ARL17B: variants seen among roughly 807,000 people sequenced by gnomAD.
ARL17B encodes ARF like GTPase 17B.
At chr17:46,332,484 C>A (rs1319411225), downstream of ARL17B, 1 of 827,060 alleles carries the variant, frequency 1.2e-6, no homozygotes, top group Non-Finnish European at 1.9e-6. Context: ...CAGCTACTCA[C>A]CTGGAATACT....
intron 4 of ARL17B, among the ~76,000 whole-genome samples, chr17:46,278,396 A>G (rs62071627): frequency 9.6e-5 from 13 of 136,038 alleles, no homozygotes; most frequent in South Asian, 2.2e-4. Flanking sequence ...GTTTTGTTTT[A>G]TTTTGTTTTT....
At chr17:46,327,939 T>C (rs2051833433) in intron 3 of ARL17B, among the ~76,000 whole-genome samples, 1 of 63,300 alleles carries the variant, frequency 1.6e-5, no homozygotes, top group Admixed American at 1.8e-4. Context: ...ATGCAGTCTT[T>C]GTTATTTTTT....
At chr17:46,277,102 G>A (rs1333049949) in intron 4 of ARL17B, among the ~76,000 whole-genome samples, 1 of 152,208 alleles carries the variant, frequency 6.6e-6, no homozygotes, top group Non-Finnish European at 1.5e-5. Context: ...ACTGCACACA[G>A]CCTAATTTGT....
intron 4 of ARL17B, among the ~76,000 whole-genome samples, chr17:46,284,275 C>A (rs928296455): frequency 6.6e-6 from 1 of 152,246 alleles, no homozygotes; most frequent in African/African-American, 2.4e-5. Context: ...GGCAGAGGTC[C>A]CTGCGGCCTT....
chr17:46,282,248 G>A (rs565014978), intron 4 of ARL17B, among the ~76,000 whole-genome samples: 31 of 149,750 alleles, frequency 2.1e-4, no homozygotes, highest in African/African-American at 6.4e-4. Context: ...GACTACAGGC[G>A]TCTGCCACCA....
intron 4 of ARL17B, among the ~76,000 whole-genome samples, chr17:46,290,720 T>C (rs1015720691): frequency 6.6e-6 from 1 of 152,278 alleles, no homozygotes; most frequent in African/African-American, 2.4e-5. Flanking sequence ...GTGCTGGGAT[T>C]ATAGGCATGA....
intron 4 of ARL17B, among the ~76,000 whole-genome samples, chr17:46,283,941 T>G (rs2049838960): frequency 6.6e-6 from 1 of 152,260 alleles, no homozygotes; most frequent in South Asian, 2.1e-4. Context: ...CACATACACA[T>G]AAACATCTCA....
intron 4 of ARL17B, among the ~76,000 whole-genome samples, chr17:46,277,324 A>G (rs79700679): frequency 0.066 from 8,842 of 133,710 alleles, no homozygotes; most frequent in Non-Finnish European, 0.11. Flanking sequence ...AGGACCTCCA[A>G]GCAACTTCCT....
At chr17:46,280,377 A>C (rs561691212) in intron 4 of ARL17B, among the ~76,000 whole-genome samples, 3 of 151,124 alleles carry the variant, frequency 2.0e-5, no homozygotes, top group African/African-American at 7.3e-5. Context: ...AACACAAAAC[A>C]ACAGAAAAAT....
chr17:46,288,305 C>CTTTTT (rs78255121), intron 4 of ARL17B, among the ~76,000 whole-genome samples: 15 of 112,250 alleles, frequency 1.3e-4, no homozygotes, highest in Non-Finnish European at 1.5e-4. Flanking sequence ...CCAGGCCCGG[C>CTTTTT]TTTTTTTTTT....
intron 4 of ARL17B, among the ~76,000 whole-genome samples, chr17:46,279,938 C>T (rs77616838): frequency 0.11 from 16,572 of 148,868 alleles, no homozygotes; most frequent in Non-Finnish European, 0.17. Flanking sequence ...ATTGTCTTGC[C>T]CTACTGACCC....
At chr17:46,289,011 TG>T (rs113986794) in intron 4 of ARL17B, among the ~76,000 whole-genome samples, 11,876 of 136,658 alleles carry the variant, frequency 0.087, 1 homozygote, top group Middle Eastern at 0.16. Flanking sequence ...AACATACTAT[TG>T]TCTCAATATG....
At chr17:46,279,426 C>T (rs1252793779) in intron 4 of ARL17B, among the ~76,000 whole-genome samples, 1 of 151,912 alleles carries the variant, frequency 6.6e-6, no homozygotes, top group African/African-American at 2.4e-5. Flanking sequence ...TCAGGTGATC[C>T]ATCCACCTTG....
rs1274336029 is a variant in ARL17B, at chr17:46,335,511, T to C, written c.*3989A>G. The C allele has an allele frequency of 5.6e-6, 1 of 178,504 alleles. No individual in the cohort carries two copies. Among genetic ancestry groups the C allele is most frequent in the Admixed American group, 3.5e-5 (1 of 28,338 alleles). The allele number at this position is 178,504 out of a possible 1,614,324, so 11.1% of individuals were successfully genotyped here. On this transcript the variant is annotated 3_prime_UTR_variant, in exon 4 of 4. Transcript: ENST00000450673. ...GATTTGGAGATGGTGGTTGTTGTCA[T>C]AGATAATCTTAATTGCGTTTTCTTC...
chr17:46,284,785 C>G (rs2049860466), intron 4 of ARL17B, among the ~76,000 whole-genome samples: 1 of 152,254 alleles, frequency 6.6e-6, no homozygotes, highest in Admixed American at 6.5e-5. Context: ...CACATTGAGA[C>G]TACGATTCCC....
chr17:46,281,231 C>A (rs1308827768), intron 4 of ARL17B, among the ~76,000 whole-genome samples: 1 of 152,118 alleles, frequency 6.6e-6, no homozygotes, highest in Non-Finnish European at 1.5e-5. Context: ...TTGCTCCCCC[C>A]ACCCCTCATA....
intron 4 of ARL17B, among the ~76,000 whole-genome samples, chr17:46,289,841 C>A (rs1342645617): frequency 3.3e-5 from 5 of 152,184 alleles, no homozygotes; most frequent in Admixed American, 2.0e-4. Flanking sequence ...AAAAATTCAT[C>A]CAGCACACTG....
chr17:46,278,359 C>G (rs1389151973), intron 4 of ARL17B, among the ~76,000 whole-genome samples: 1 of 151,932 alleles, frequency 6.6e-6, no homozygotes, highest in Non-Finnish European at 1.5e-5. Context: ...TTTTTGAGTC[C>G]TAGTCTTTTT....
At chr17:46,275,299 TA>T (rs2049557269) in exon 5 of ARL17B, 4 of 696,442 alleles carry the variant, frequency 5.7e-6, no homozygotes, top group Non-Finnish European at 9.2e-6. Context: ...ATAGCCTCAC[TA>T]AAAAGATCTG....
Sources: allele counts gnomAD v4.1 joint callset (sites outside exome capture counted in the v4.1 genomes callset), GRCh38; gene constraint gnomAD v4.1.1; transcripts MANE v1.5; gene names NCBI Gene and HGNC (gene_info 2026-07-23, HGNC 2026-07-21).